Variants in AFF2 observed in about 807,000 individuals in gnomAD.
The protein encoded by AFF2 is AF4/FMR2 family member 2.
Under a neutral mutation model 76.9 loss-of-function variants are expected in AFF2, and 14 were observed. The observed-to-expected ratio is 0.18, with a 90% CI of 0.12 to 0.28. The LOEUF is 0.28. AFF2 is among the 10% of genes least tolerant of loss of function. The probability of loss-of-function intolerance (pLI) is 1.00; values close to 1 mark genes in which losing one functional copy is unlikely to be tolerated. For synonymous variants in AFF2, 398 were observed against 366.7 expected, an observed-to-expected ratio of 1.09 and a Z score of -0.98; for missense variants, 868 against 1,001.1, an observed-to-expected ratio of 0.87 and a Z score of 1.79.
chrX:148,903,269 A>AAT (rs2071373397), intron 8 of AFF2, among the ~76,000 whole-genome samples: 1 of 111,895 alleles, frequency 8.9e-6, no homozygotes, highest in African/African-American at 3.3e-5. Flanking sequence ...TAATTATGCT[A>AAT]CAGAAATATG....
In AFF2 at chrX:148,998,801, G is replaced by A. The variant is rs190676602; in HGVS notation, c.*7469G>A. The A allele has an allele frequency of 9.2e-6, 1 of 108,772 alleles. No individual in the cohort carries two copies. Among genetic ancestry groups the A allele is most frequent in the Non-Finnish European group, 1.9e-5 (1 of 52,270 alleles). The allele number at this position is 108,772 out of a possible 1,213,427, so 9.0% of individuals were successfully genotyped here. A position where few individuals can be genotyped will look rare whatever the true frequency, so the allele number is the denominator to read the frequency against. ...TTCCTTTTCCATTATTTTTCGATGG[G>A]GGGGTTGTTATCATTGACTGAAGAA... On this transcript the variant is annotated 3_prime_UTR_variant, in exon 21 of 21. Coordinates refer to ENST00000370460, the MANE Select transcript of AFF2 (RefSeq NM_002025.4).
intron 3 of AFF2, among the ~76,000 whole-genome samples, chrX:148,751,331 T>C (rs782517676): frequency 1.8e-5 from 2 of 112,357 alleles, no homozygotes; most frequent in Admixed American, 9.4e-5. Context: ...TCTAGCTAGT[T>C]CATTACCTTC....
At chrX:148,677,591 T>C (rs2081762956) in intron 3 of AFF2, among the ~76,000 whole-genome samples, 1 of 112,504 alleles carries the variant, frequency 8.9e-6, no homozygotes, top group Admixed American at 9.4e-5. Context: ...TTATGTTTTG[T>C]CTTTTGTAGT....
chrX:148,805,142 T>C (rs1184719816), intron 3 of AFF2, among the ~76,000 whole-genome samples: 3 of 111,891 alleles, frequency 2.7e-5, no homozygotes, highest in Non-Finnish European at 5.6e-5. Flanking sequence ...TGGGGATAAA[T>C]GGGGAAGTTT....
At chrX:148,572,767 G>C (rs1420488414) in intron 1 of AFF2, among the ~76,000 whole-genome samples, 1 of 111,326 alleles carries the variant, frequency 9.0e-6, no homozygotes, top group African/African-American at 3.3e-5. Context: ...GGAGAATGTA[G>C]AGTGACTGCT....
intron 1 of AFF2, among the ~76,000 whole-genome samples, chrX:148,645,480 C>T (rs1356740449): frequency 8.9e-6 from 1 of 112,287 alleles, no homozygotes; most frequent in African/African-American, 3.2e-5. Flanking sequence ...TTTGGACACA[C>T]TGTAAAATTC....
chrX:148,671,328 C>A (rs1557259064), intron 3 of AFF2, among the ~76,000 whole-genome samples: 1 of 112,118 alleles, frequency 8.9e-6, no homozygotes, highest in African/African-American at 3.2e-5. Flanking sequence ...AGTGATTCTT[C>A]ATGAGGCAGT....
intron 1 of AFF2, among the ~76,000 whole-genome samples, chrX:148,619,051 T>C (rs150189980): frequency 0.057 from 6,330 of 111,076 alleles, 202 homozygotes; most frequent in Non-Finnish European, 0.082. Flanking sequence ...ATTCTTTTCT[T>C]CCTGTTTCTT....
chrX:148,956,595 G>C lies in AFF2; in HGVS notation c.2550G>C (p.Lys850Asn). The change falls in exon 11 of 21, where the codon AAG becomes AAC. Residue 850 changes from lysine to asparagine, a missense_variant. Physicochemically the swap from Lys to Asn is moderately conservative, Grantham distance 94. Transcript: ENST00000370460. ...CAGCTGTGGAGAAACCAGCCCCTAA[G>C]GGCAAACGTAAGCACAAGGTAAGCT... ...AVTAVEKPAP[K>N]GKRKHKPIEV... is the part of the protein sequence containing the mutation. 8.3e-7 allele frequency: 1 copy of C among 1,209,898 alleles called. No individual in the cohort carries two copies. The highest frequency in any genetic ancestry group is 3.0e-5 in the East Asian group (1 of 33,827).
At chrX:148,643,878 G>T (rs1008794584) in intron 1 of AFF2, among the ~76,000 whole-genome samples, 25 of 111,670 alleles carry the variant, frequency 2.2e-4, no homozygotes, top group African/African-American at 7.2e-4. Context: ...GAGGACAAAA[G>T]AATTTAATTT....
chrX:148,767,774 G>A (rs1213833793), intron 3 of AFF2, among the ~76,000 whole-genome samples: 1 of 112,127 alleles, frequency 8.9e-6, no homozygotes, highest in Non-Finnish European at 1.9e-5. Context: ...TTGAAATGTA[G>A]GTGAAGGATA....
chrX:148,901,620 T>C (rs1569556839), intron 8 of AFF2, among the ~76,000 whole-genome samples: 1 of 112,344 alleles, frequency 8.9e-6, no homozygotes, highest in South Asian at 3.7e-4. Context: ...GGGATGGTCT[T>C]CTTATGTCCC....
intron 10 of AFF2, among the ~76,000 whole-genome samples, chrX:148,954,595 G>A (rs1399469144): frequency 2.7e-5 from 3 of 111,731 alleles, no homozygotes; most frequent in Non-Finnish European, 5.6e-5. Context: ...TATTATTTTT[G>A]TTTTACAAAT....
intron 5 of AFF2, 40 bp downstream of exon 5, chrX:148,837,773 T>G: frequency 2.1e-6 from 2 of 958,967 alleles, no homozygotes; most frequent in East Asian, 3.1e-5. Context: ...TTGTCTTATT[T>G]TAATTATACC....
chrX:148,714,704 T>TCCTCCTAAGATGTCGCCTC (rs1323852180), intron 3 of AFF2, among the ~76,000 whole-genome samples: 6 of 111,670 alleles, frequency 5.4e-5, no homozygotes, highest in Non-Finnish European at 3.8e-5. Context: ...ATAGTCTCCT[T>TCCTCCTAAGATGTCGCCTC]CCTCCTAAGA....
chrX:148,538,489 C>T lies in AFF2; in HGVS notation c.47+37345C>T, dbSNP rs181758808. ...AACTTTAATGTACACAGAAATCGTTCAGGAATTTTGTAGAAATACAGATTA... is the reference window on the plus strand; with the variant it reads ...AACTTTAATGTACACAGAAATCGTTTAGGAATTTTGTAGAAATACAGATTA... On this transcript the variant is annotated intron_variant, in intron 1 of 20. Transcript: ENST00000370460. 1.0e-3 allele frequency among the ~76,000 whole-genome samples: 115 copies of T among 112,550 alleles called. 1 individual carries two copies. The highest frequency in any genetic ancestry group is 1.8e-3 in the Non-Finnish European group (98 of 53,288).
intron 3 of AFF2, among the ~76,000 whole-genome samples, chrX:148,786,553 C>T (rs1050975621): frequency 2.7e-5 from 3 of 111,628 alleles, no homozygotes; most frequent in Non-Finnish European, 5.6e-5. Context: ...TTCTTGTGTC[C>T]GCATATCCCC....
At chrX:148,968,269 G>T (rs150449032) in intron 15 of AFF2, among the ~76,000 whole-genome samples, 30 of 111,851 alleles carry the variant, frequency 2.7e-4, no homozygotes, top group African/African-American at 8.8e-4. Context: ...TAGCCACCTA[G>T]ATCAGTCATA....
At chrX:148,749,396 C>T (rs2055469834) in intron 3 of AFF2, among the ~76,000 whole-genome samples, 2 of 110,847 alleles carry the variant, frequency 1.8e-5, no homozygotes, top group African/African-American at 3.3e-5. Context: ...TTCAGCCTTC[C>T]AAGTAGCTGG....
Sources: gnomAD v4.1 joint callset for allele counts (sites outside exome capture counted in the v4.1 genomes callset) on GRCh38, gnomAD v4.1.1 for gene constraint, MANE v1.5 for transcripts, NCBI Gene and HGNC (gene_info 2026-07-23, HGNC 2026-07-21) for gene names.